TNKS2: variants seen among roughly 807,000 people sequenced by gnomAD.
The protein encoded by TNKS2 is poly [ADP-ribose] polymerase tankyrase-2.
In TNKS2, 72 loss-of-function variants were observed where a neutral mutation model predicts 137.6. That is an observed-to-expected ratio of 0.52 (90% CI 0.43 to 0.64). The LOEUF (loss-of-function observed/expected upper bound fraction) is 0.64. Among genes scored for constraint, TNKS2 ranks in the 30% least tolerant of loss-of-function variants. The pLI, the probability that TNKS2 is intolerant of heterozygous loss-of-function variation, is 0.00. For synonymous variants in TNKS2, 516 were observed against 512.1 expected (o/e 1.01, Z -0.10); for missense variants, 1,049 against 1,410.2 (o/e 0.74, Z 4.10).
chr10:91,842,202 G>A lies in TNKS2; in HGVS notation c.1870G>A (p.Asp624Asn). 1 of 1,613,906 alleles carries A rather than the reference G, an allele frequency of 6.2e-7. No homozygotes were observed. Among genetic ancestry groups the A allele is most frequent in the Non-Finnish European group, 8.5e-7 (1 of 1,179,904 alleles). ...HGADPTKKNRDGNTPLDLVKD... is the reference protein window; with the variant it reads ...HGADPTKKNRNGNTPLDLVKD... ...TGCAGACCCTACAAAAAAAAACAGG[G>A]ATGGAAATACTCCTTTGGATCTTGT... Residue 624 changes from aspartate to asparagine, a missense_variant, in exon 16 of 27, where the codon GAT (aspartate) becomes AAT (asparagine). By Grantham distance (23) the Asp-to-Asn change is conservative. Transcript: ENST00000371627.
rs201220567 is a variant in TNKS2 at position 91,863,007 on chromosome 10, T to C, written c.*8T>C. ...GGTATGGTCGATGGATAAATAGTTA[T>C]TTTAAGAAACTAATTCCACTGAACC... On this transcript the variant is annotated 3_prime_UTR_variant, in exon 27 of 27. Coordinates refer to ENST00000371627, the MANE Select transcript of TNKS2 (RefSeq NM_025235.4). The C allele has an allele frequency of 4.3e-5, 68 of 1,589,878 alleles. No homozygotes were observed. The highest frequency in any genetic ancestry group is 5.5e-5 in the Non-Finnish European group (64 of 1,160,416).
In TNKS2 at chr10:91,813,174, G is replaced by A; in HGVS notation, c.391G>A (p.Ala131Thr). 1 of 1,614,116 alleles carries A rather than the reference G, an allele frequency of 6.2e-7. No individual in the cohort carries two copies. Among genetic ancestry groups the A allele is most frequent in the Non-Finnish European group, 8.5e-7 (1 of 1,180,012 alleles). Reference sequence around the variant, plus strand: ...TTGGAATTATACTCCTCTCCATGAAGCTGCAATTAAAGGAAAGATTGATGT... The same window carrying A: ...TTGGAATTATACTCCTCTCCATGAAACTGCAATTAAAGGAAAGATTGATGT... ...DNWNYTPLHE[A>T]AIKGKIDVCI... Residue 131 changes from alanine to threonine, a missense_variant, in exon 2 of 27, where the codon GCT (alanine) becomes ACT (threonine). Ala to Thr is a moderately conservative substitution (Grantham distance 58). This residue lies in a region of TNKS2 where 374 missense variants were observed against 460.8 expected (regional missense o/e 0.81). Coordinates refer to ENST00000371627, the MANE Select transcript of TNKS2 (RefSeq NM_025235.4).
chr10:91,843,035 T>A (rs910583200), intron 16 of TNKS2, among the ~76,000 whole-genome samples: 2 of 152,082 alleles, frequency 1.3e-5, no homozygotes, highest in Non-Finnish European at 1.5e-5. Context: ...TGAGCCAGCC[T>A]TCCTTATAGG....
In TNKS2 at chr10:91,833,847, G is replaced by T. The variant is rs767135492; in HGVS notation, c.1276-6G>T. 1.9e-6 allele frequency: 3 copies of T among 1,570,290 alleles called. No individual in the cohort carries two copies. Among genetic ancestry groups the T allele is most frequent in the Non-Finnish European group, 2.6e-6 (3 of 1,161,642 alleles). On this transcript the variant is annotated splice_polypyrimidine_tract_variant and splice_region_variant and intron_variant, in intron 11 of 26. Coordinates refer to ENST00000371627, the MANE Select transcript of TNKS2 (RefSeq NM_025235.4). ...GGCTAATTTCAATTTTTTCTGCTTT[G>T]TTAAGGTTAATGCTCTGGATAATCT... is the stretch of plus-strand genomic sequence containing the variant.
At chr10:91,836,211 T>A (rs1316502393) in intron 12 of TNKS2, among the ~76,000 whole-genome samples, 1 of 152,036 alleles carries the variant, frequency 6.6e-6, no homozygotes, top group Non-Finnish European at 1.5e-5. Flanking sequence ...ACCTGACATA[T>A]TTTTCCAAAT....
At chr10:91,814,049 A>G (rs1844594071) in intron 2 of TNKS2, among the ~76,000 whole-genome samples, 1 of 152,202 alleles carries the variant, frequency 6.6e-6, no homozygotes, top group African/African-American at 2.4e-5. Flanking sequence ...AAAAAAAGTT[A>G]ACTGTAAAAC....
chr10:91,831,866 T>C (rs1017096408), intron 11 of TNKS2, among the ~76,000 whole-genome samples: 3 of 152,206 alleles, frequency 2.0e-5, no homozygotes, highest in African/African-American at 7.2e-5. Flanking sequence ...GATCCTTGCC[T>C]CCTTCAAACA....
chr10:91,809,014 A>G (rs901915966), intron 1 of TNKS2, among the ~76,000 whole-genome samples: 16 of 152,154 alleles, frequency 1.1e-4, no homozygotes, highest in African/African-American at 3.9e-4. Flanking sequence ...TAGTAGTAAG[A>G]TTGGAAACAA....
chr10:91,825,140 C>T (rs1162183739), intron 7 of TNKS2, among the ~76,000 whole-genome samples: 1 of 151,996 alleles, frequency 6.6e-6, no homozygotes, highest in African/African-American at 2.4e-5. Flanking sequence ...CTCACTCTGC[C>T]ACCCAGGTTG....
intron 23 of TNKS2, 130 bp from the exon 24 acceptor site, chr10:91,857,295 T>C (rs1255260292): frequency 8.3e-6 from 4 of 479,222 alleles, no homozygotes; most frequent in Non-Finnish European, 1.5e-5. Context: ...TTGATTAAAA[T>C]AACACATTTT....
rs1842450212 is a variant in TNKS2 at position 91,848,523 on chromosome 10, A to C, written c.2499A>C (p.Ser833=). Residue 833 remains serine (S), a synonymous_variant, in exon 19 of 27, where the codon TCA becomes TCC. Transcript: ENST00000371627. ...DALSSGPSSP[S]SLSAASSLDN... is the part of the protein sequence containing the mutation. ...TCTCTTCAGGTCCATCTAGCCCATC[A>C]AGCCTTTCTGCAGCCAGCAGTCTTG... is the stretch of plus-strand genomic sequence containing the variant. 1.2e-6 allele frequency: 2 copies of C among 1,614,156 alleles called. No individual in the cohort carries two copies. The highest frequency in any genetic ancestry group is 4.5e-5 in the East Asian group (2 of 44,864).
chr10:91,857,568 A>C, intron 24 of TNKS2, 38 bp downstream of exon 24: 1 of 1,362,708 alleles, frequency 7.3e-7, no homozygotes, highest in Non-Finnish European at 1.0e-6. Context: ...ACTGTCTTCC[A>C]CATTAGGATA....
intron 1 of TNKS2, among the ~76,000 whole-genome samples, chr10:91,807,669 A>G (rs955159930): frequency 6.6e-6 from 1 of 152,198 alleles, no homozygotes; most frequent in Non-Finnish European, 1.5e-5. Flanking sequence ...ATGAATTAAG[A>G]TGCACATGGC....
Position 91,841,464 on chromosome 10 carries a change from TAACTG to T in TNKS2, c.1839+17_1839+21del. ...TCTGCTCCAGGTATATTTAAATACT[TAACTG>T]TAAAGAGTATGAATTACATAGCATA... On this transcript the variant is annotated intron_variant, in intron 15 of 26. Coordinates refer to ENST00000371627, the MANE Select transcript of TNKS2 (RefSeq NM_025235.4). The T allele has an allele frequency of 6.3e-7, 1 of 1,580,300 alleles. No individual in the cohort carries two copies. Among genetic ancestry groups the T allele is most frequent in the Non-Finnish European group, 8.6e-7 (1 of 1,164,164 alleles).
intron 26 of TNKS2, among the ~76,000 whole-genome samples, 179 bp from the exon 27 acceptor site, chr10:91,862,758 T>C (rs1180441705): frequency 6.6e-6 from 1 of 152,182 alleles, no homozygotes; most frequent in Non-Finnish European, 1.5e-5. Flanking sequence ...GACTTGCTGA[T>C]TGAAAATCTG....
chr10:91,837,434 A>G (rs1842060839), intron 13 of TNKS2, among the ~76,000 whole-genome samples: 1 of 152,352 alleles, frequency 6.6e-6, no homozygotes, highest in African/African-American at 2.4e-5. Flanking sequence ...TCCAGGGCTT[A>G]GTATAATAAT....
chr10:91,820,431 C>T lies in TNKS2; in HGVS notation c.728+398C>T, dbSNP rs998287311. On this transcript the variant is annotated intron_variant, in intron 6 of 26. Coordinates refer to ENST00000371627, the MANE Select transcript of TNKS2 (RefSeq NM_025235.4). ...TCTCAATTCAAGAAAGCAGAGTTTG[C>T]GGGACATTAGTCTGTAAGACAATTG... Among the ~76,000 whole-genome samples the T allele has an allele frequency of 4.0e-4, 61 of 152,128 alleles. 1 individual carries two copies. The highest frequency in any genetic ancestry group is 4.0e-3 in the Admixed American group (61 of 15,260).
chr10:91,820,286 G>A (rs893752377), intron 6 of TNKS2, among the ~76,000 whole-genome samples: 2 of 152,198 alleles, frequency 1.3e-5, no homozygotes, highest in Non-Finnish European at 2.9e-5. Flanking sequence ...CAAGTGTTGA[G>A]TCATAGAGAG....
In TNKS2 at chr10:91,855,136, T is replaced by C; in HGVS notation, c.2913+10T>C. On this transcript the variant is annotated intron_variant, in intron 22 of 26. Coordinates refer to ENST00000371627, the MANE Select transcript of TNKS2 (RefSeq NM_025235.4). The stretch of plus-strand genomic sequence containing the variant: ...GTCTGTGGAGGAAGAGGTATGTTCA[T>C]ATAACTTCAATAGTAGGTTTGCCGT... 1 of 1,518,568 alleles carries C rather than the reference T, an allele frequency of 6.6e-7. No homozygotes were observed. The highest frequency in any genetic ancestry group is 1.1e-5 in the South Asian group (1 of 88,848). 94.1% of individuals were successfully genotyped at this position (1,518,568 alleles called of 1,614,324 possible).
Sources: allele counts gnomAD v4.1 joint callset (sites outside exome capture counted in the v4.1 genomes callset), GRCh38; gene constraint gnomAD v4.1.1; regional missense constraint gnomAD v4.1.1; transcripts MANE v1.5; gene names NCBI Gene and HGNC (gene_info 2026-07-23, HGNC 2026-07-21).